CPSF2: variants seen among roughly 807,000 people sequenced by gnomAD.
CPSF2 encodes the protein cleavage and polyadenylation specific factor 2.
In CPSF2, 51 loss-of-function variants were observed where a neutral mutation model predicts 84.2. The ratio of observed to expected loss-of-function variants is 0.61; its 90% CI spans 0.48 to 0.77. CPSF2 has a LOEUF of 0.77. Among genes scored for constraint, CPSF2 ranks in the 30% least tolerant of loss-of-function variants. The probability of loss-of-function intolerance (pLI) is 0.00; values close to 1 mark genes in which losing one functional copy is unlikely to be tolerated. For missense variants in CPSF2, 641 were observed against 929.4 expected, an observed-to-expected ratio of 0.69 and a Z score of 4.03; for synonymous variants, 286 against 311.9, an observed-to-expected ratio of 0.92 and a Z score of 0.87.
At chr14:92,140,467 T>C (rs1178229029) in intron 7 of CPSF2, among the ~76,000 whole-genome samples, 2 of 143,134 alleles carry the variant, frequency 1.4e-5, no homozygotes, top group Non-Finnish European at 3.0e-5. Flanking sequence ...GTAGTCTCGC[T>C]CTGTCGCCAG....
At position 92,143,289 on chromosome 14, in the gene CPSF2, A is replaced by G; in HGVS notation, c.1135A>G (p.Ile379Val). 1 of 1,597,194 alleles carries G rather than the reference A, an allele frequency of 6.3e-7. No individual in the cohort carries two copies. The highest frequency in any genetic ancestry group is 8.6e-7 in the Non-Finnish European group (1 of 1,167,626). ...TAATCCTTCTGAAAAAATTACAGAA[A>G]TAGAGGTAAGCACTTGTATGTGAAC... ...IDNPSEKITE[I>V]ELRKRVKLEG... The change falls in exon 9 of 16, where the codon ATA becomes GTA. Residue 379 changes from isoleucine to valine, a missense_variant. Ile to Val is a conservative substitution (Grantham distance 29). Around this residue, in one of 2 missense-constraint regions of CPSF2, gnomAD observed 430 missense variants for 553.6 expected, o/e 0.78. Coordinates refer to ENST00000298875, the MANE Select transcript of CPSF2 (RefSeq NM_017437.3).
At position 92,164,348 on chromosome 14, in the gene CPSF2, C is replaced by T. The variant is rs527307158; in HGVS notation, c.*2604C>T. ...TAAGATGGCTGTGCTAAATAATAAT[C>T]ATTGCAAGAGCAATACTTTTACCTG... On this transcript the variant is annotated 3_prime_UTR_variant, in exon 16 of 16. Transcript: ENST00000298875. The T allele has an allele frequency of 6.6e-6, 1 of 152,278 alleles. No individual in the cohort carries two copies. Among genetic ancestry groups the T allele is most frequent in the South Asian group, 2.1e-4 (1 of 4,828 alleles). The allele number at this position is 152,278 out of a possible 1,614,324, so 9.4% of individuals were successfully genotyped here. A position where few individuals can be genotyped will look rare whatever the true frequency, so the allele number is the denominator to read the frequency against.
At chr14:92,154,483 A>C in intron 10 of CPSF2, 25 bp downstream of exon 10, 1 of 1,448,766 alleles carries the variant, frequency 6.9e-7, no homozygotes, top group Non-Finnish European at 9.4e-7. Flanking sequence ...GACAGATTAT[A>C]AATTTATGGA....
At position 92,171,036 on chromosome 14, in the gene CPSF2, C is replaced by T. The variant is rs2069511030; in HGVS notation, c.*9292C>T. On this transcript the variant is annotated 3_prime_UTR_variant, in exon 16 of 16. Coordinates refer to ENST00000298875, the MANE Select transcript of CPSF2 (RefSeq NM_017437.3). ...TTGTGGGTAGCTATTTTGAGACTCT[C>T]AATATCCTATTTCTCAAAATTTTAC... 1 of 152,182 alleles carries T rather than the reference C, an allele frequency of 6.6e-6. No homozygotes were observed. The allele number at this position is 152,182 out of a possible 1,614,324, so 9.4% of individuals were successfully genotyped here. A position where few individuals can be genotyped will look rare whatever the true frequency, so the allele number is the denominator to read the frequency against.
intron 2 of CPSF2, among the ~76,000 whole-genome samples, chr14:92,128,823 T>C (rs1477677530): frequency 3.9e-5 from 6 of 152,154 alleles, no homozygotes; most frequent in Non-Finnish European, 8.8e-5. Context: ...GAACAGTTAC[T>C]GGTAGTGATA....
chr14:92,130,915 T>C, intron 2 of CPSF2, 36 bp from the exon 3 acceptor site: 1 of 1,349,022 alleles, frequency 7.4e-7, no homozygotes, highest in South Asian at 1.3e-5. Context: ...CAGACTGTGC[T>C]TTTATGTTTA....
intron 1 of CPSF2, among the ~76,000 whole-genome samples, chr14:92,124,177 A>G (rs576290926): frequency 1.4e-4 from 21 of 152,248 alleles, no homozygotes; most frequent in Non-Finnish European, 2.6e-4. Flanking sequence ...GGTTAAGATC[A>G]GCTTGTGAAG....
In CPSF2 at chr14:92,159,734, AAG is replaced by A. The variant is rs565519396; in HGVS notation, c.2121+456_2121+457del. Among the ~76,000 whole-genome samples, 46 of 152,318 alleles carry A rather than the reference AAG, an allele frequency of 3.0e-4. No individual in the cohort carries two copies. The South Asian group carries it at 9.1e-3, about 30-fold the overall frequency. On this transcript the variant is annotated intron_variant, in intron 14 of 15. Coordinates refer to ENST00000298875, the MANE Select transcript of CPSF2 (RefSeq NM_017437.3). ...TGGGCTGATTTTGGAGTTTTTAAAAAAGAGAACTTGTGACATGCTTCTGTGTG... is the reference window on the plus strand; with the variant it reads ...TGGGCTGATTTTGGAGTTTTTAAAAAAGAACTTGTGACATGCTTCTGTGTG...
In CPSF2 at chr14:92,167,968, C is replaced by G. The variant is rs1452568819; in HGVS notation, c.*6224C>G. 1 of 147,122 alleles carries G rather than the reference C, an allele frequency of 6.8e-6. No individual in the cohort carries two copies. The highest frequency in any genetic ancestry group is 1.5e-5 in the Non-Finnish European group (1 of 67,320). The allele number at this position is 147,122 out of a possible 1,614,324, so 9.1% of individuals were successfully genotyped here. ...TGGATTCAATAATGGGAACTAAGGT[C>G]AGGCGTGGTGGCTCACACCTGTAAT... On this transcript the variant is annotated 3_prime_UTR_variant, in exon 16 of 16. Coordinates refer to ENST00000298875, the MANE Select transcript of CPSF2 (RefSeq NM_017437.3).
chr14:92,163,919 G>C lies in CPSF2; in HGVS notation c.*2175G>C, dbSNP rs1409418917. 1 of 152,364 alleles carries C rather than the reference G, an allele frequency of 6.6e-6. No homozygotes were observed. The highest frequency in any genetic ancestry group is 2.1e-4 in the South Asian group (1 of 4,814). 9.4% of individuals were successfully genotyped at this position (152,364 alleles called of 1,614,324 possible). On this transcript the variant is annotated 3_prime_UTR_variant, in exon 16 of 16. Coordinates refer to ENST00000298875, the MANE Select transcript of CPSF2 (RefSeq NM_017437.3). ...CTAATTTTGTATTTTTAGTAGAGAC[G>C]GGGTTTCTCCATGTTGGTTAGGCTG...
chr14:92,160,847 C>T (rs778297017), intron 14 of CPSF2, among the ~76,000 whole-genome samples: 1 of 152,134 alleles, frequency 6.6e-6, no homozygotes, highest in Non-Finnish European at 1.5e-5. Flanking sequence ...CATTACCAAA[C>T]GTCTCTGTTA....
At chr14:92,127,692 A>G (rs969345893) in intron 2 of CPSF2, among the ~76,000 whole-genome samples, 1 of 152,172 alleles carries the variant, frequency 6.6e-6, no homozygotes, top group African/African-American at 2.4e-5. Flanking sequence ...ACGTTGATGC[A>G]GGGGAAAGAG....
intron 2 of CPSF2, among the ~76,000 whole-genome samples, chr14:92,129,985 C>CACT (rs2068894974): frequency 6.6e-6 from 1 of 152,122 alleles, no homozygotes; most frequent in Non-Finnish European, 1.5e-5. Context: ...TGAACTCTAG[C>CACT]AGTCTTCCTG....
chr14:92,158,619 C>T (rs1433759707), intron 13 of CPSF2, among the ~76,000 whole-genome samples: 1 of 152,184 alleles, frequency 6.6e-6, no homozygotes, highest in African/African-American at 2.4e-5. Context: ...GGTTCTCAAC[C>T]TTGACTGCAC....
chr14:92,130,844 T>C (rs2068915020), intron 2 of CPSF2, 107 bp from the exon 3 acceptor site: 1 of 692,228 alleles, frequency 1.4e-6, no homozygotes, highest in Non-Finnish European at 2.2e-6. Context: ...TTCGTGTTAA[T>C]GGAATTTCTA....
At chr14:92,146,281 G>C (rs375640523) in intron 9 of CPSF2, among the ~76,000 whole-genome samples, 2 of 152,220 alleles carry the variant, frequency 1.3e-5, no homozygotes, top group East Asian at 3.9e-4. Context: ...CAGCACTTTG[G>C]GAGGCAGAGG....
chr14:92,165,854 C>CTTTTGTTTTTTTTTTTTT lies in CPSF2; in HGVS notation c.*4114_*4115insGTTTTTTTTTTTTTTTTT, dbSNP rs2069438135. Reference sequence around the variant, plus strand: ...CAGTTCTTTGTGCTTGGTTTTATATCTTTTTTTTTTTTTTTTTTTTTTTTT... The same window carrying CTTTTGTTTTTTTTTTTTT: ...CAGTTCTTTGTGCTTGGTTTTATATCTTTTGTTTTTTTTTTTTTTTTTTTTTTTTTTTTTTTTTTTTTT... On this transcript the variant is annotated 3_prime_UTR_variant, in exon 16 of 16. Transcript: ENST00000298875. The CTTTTGTTTTTTTTTTTTT allele has an allele frequency of 9.9e-5, 5 of 50,622 alleles. No homozygotes were observed. Among genetic ancestry groups the CTTTTGTTTTTTTTTTTTT allele is most frequent in the African/African-American group, 4.6e-4 (5 of 10,756 alleles). 3.1% of individuals were successfully genotyped at this position (50,622 alleles called of 1,614,324 possible).
rs552558724 is a variant in CPSF2, at chr14:92,152,505, T to C, written c.1141-1853T>C. On this transcript the variant is annotated intron_variant, in intron 9 of 15. Coordinates refer to ENST00000298875, the MANE Select transcript of CPSF2 (RefSeq NM_017437.3). ...CCAAGCTGGAGTGTAATGGTGCGATTATGGCTCACTGCAGTTTCCGCCTCC... is the reference window on the plus strand; with the variant it reads ...CCAAGCTGGAGTGTAATGGTGCGATCATGGCTCACTGCAGTTTCCGCCTCC... Among the ~76,000 whole-genome samples the C allele has an allele frequency of 6.0e-5, 9 of 150,848 alleles. No individual in the cohort carries two copies. The East Asian group carries it at 1.8e-3, about 30-fold the overall frequency.
chr14:92,131,296 A>C (rs2068924761), intron 3 of CPSF2, among the ~76,000 whole-genome samples, 163 bp downstream of exon 3: 1 of 152,208 alleles, frequency 6.6e-6, no homozygotes, highest in Non-Finnish European at 1.5e-5. Flanking sequence ...TAACTTGTAA[A>C]GTTTTGATTG....
Sources: gnomAD v4.1 joint callset for allele counts (sites outside exome capture counted in the v4.1 genomes callset) on GRCh38, gnomAD v4.1.1 for gene constraint, gnomAD v4.1.1 regional missense constraint, MANE v1.5 for transcripts, NCBI Gene and HGNC (gene_info 2026-07-23, HGNC 2026-07-21) for gene names.